CCDC3: variants seen among roughly 807,000 people sequenced by gnomAD.
CCDC3 encodes coiled-coil domain-containing protein 3.
A neutral mutation model predicts 21.4 loss-of-function variants in CCDC3; 24 were observed. The ratio of observed to expected loss-of-function variants is 1.12; its 90% CI spans 0.81 to 1.58. CCDC3 has a LOEUF of 1.58. Among genes scored for constraint, CCDC3 ranks in the 40% most tolerant of loss-of-function variants. The probability of loss-of-function intolerance (pLI) is 0.00; values close to 1 mark genes in which losing one functional copy is unlikely to be tolerated. For missense variants in CCDC3, 425 were observed against 360.9 expected (o/e 1.18, Z -1.44); for synonymous variants, 186 against 166.0 (o/e 1.12, Z -0.93).
rs575365730 is a variant in CCDC3 at position 13,083,114 on chromosome 10, T to C, written c.-502-9014A>G. On this transcript the variant is annotated intron_variant, in intron 3 of 6. Transcript: ENST00000378839. ...CCTTGGAGACTTAACAAGCAGTGAG[T>C]TCAGGCACTTCCAAGAGCTGACCCA... Among the ~76,000 whole-genome samples, 38 of 152,126 alleles carry C rather than the reference T, an allele frequency of 2.5e-4. 1 individual carries two copies. The highest frequency in any genetic ancestry group is 8.9e-4 in the African/African-American group (37 of 41,494).
intron 2 of CCDC3, among the ~76,000 whole-genome samples, chr10:12,919,853 C>T (rs1214881099): frequency 3.9e-5 from 6 of 152,098 alleles, no homozygotes; most frequent in Admixed American, 3.3e-4. Flanking sequence ...TTGGCAGTTG[C>T]CAGTTTATGT....
intron 2 of CCDC3, among the ~76,000 whole-genome samples, chr10:12,930,649 G>C (rs1246884393): frequency 6.6e-6 from 1 of 152,168 alleles, no homozygotes; most frequent in African/African-American, 2.4e-5. Context: ...TTGCCCTGGG[G>C]ACAGTTGGCA....
intron 1 of CCDC3, among the ~76,000 whole-genome samples, chr10:12,999,236 A>G (rs1589035881): frequency 6.6e-6 from 1 of 152,166 alleles, no homozygotes; most frequent in East Asian, 1.9e-4. Flanking sequence ...GTGAGACGCC[A>G]TCTCAAAAAA....
rs572298061 is a variant in CCDC3 at position 12,904,150 on chromosome 10, C to T, written c.550-5471G>A. Reference sequence around the variant, plus strand: ...AGCATCTGGTGGTTCCACTTGGCCACGAGGACTAACTCACTAGGCAAGACT... The same window carrying T: ...AGCATCTGGTGGTTCCACTTGGCCATGAGGACTAACTCACTAGGCAAGACT... On this transcript the variant is annotated intron_variant, in intron 2 of 2. Coordinates refer to ENST00000378825, the MANE Select transcript of CCDC3 (RefSeq NM_031455.4). 3.7e-4 allele frequency among the ~76,000 whole-genome samples: 56 copies of T among 152,078 alleles called. 1 individual carries two copies. Among genetic ancestry groups the T allele is most frequent in the African/African-American group, 1.1e-3 (46 of 41,494 alleles).
At chr10:13,012,823 T>C (rs886994781) in intron 5 of CCDC3, among the ~76,000 whole-genome samples, 1 of 151,998 alleles carries the variant, frequency 6.6e-6, no homozygotes, top group Non-Finnish European at 1.5e-5. Context: ...AGTACCCTGG[T>C]GACAAAATAA....
At chr10:12,900,442 G>A (rs1834074183) in intron 2 of CCDC3, among the ~76,000 whole-genome samples, 1 of 150,700 alleles carries the variant, frequency 6.6e-6, no homozygotes, top group South Asian at 2.1e-4. Flanking sequence ...ACTTTAGGAG[G>A]CTGAGGTGGG....
At chr10:13,095,430 G>A (rs1240835152) in intron 3 of CCDC3, among the ~76,000 whole-genome samples, 1 of 151,946 alleles carries the variant, frequency 6.6e-6, no homozygotes, top group Non-Finnish European at 1.5e-5. Flanking sequence ...CATGGATGGT[G>A]GTGGGTGGGG....
intron 2 of CCDC3, among the ~76,000 whole-genome samples, chr10:12,933,632 G>A (rs1251010): frequency 0.87 from 131,985 of 151,984 alleles, 57,553 homozygotes; most frequent in East Asian, 1. Flanking sequence ...AATATTTTGT[G>A]TTTTTAGTAG....
At chr10:12,942,914 G>C (rs960740219) in intron 2 of CCDC3, among the ~76,000 whole-genome samples, 1 of 152,066 alleles carries the variant, frequency 6.6e-6, no homozygotes, top group Non-Finnish European at 1.5e-5. Context: ...CTTGGTGTGA[G>C]GCAAAGAACG....
intron 2 of CCDC3, among the ~76,000 whole-genome samples, chr10:12,900,454 G>A (rs753923101): frequency 4.0e-5 from 6 of 149,482 alleles, no homozygotes; most frequent in African/African-American, 7.4e-5. Flanking sequence ...TGAGGTGGGC[G>A]GATCACAAGG....
chr10:12,914,134 G>A (rs1445173367), intron 2 of CCDC3, among the ~76,000 whole-genome samples: 2 of 152,132 alleles, frequency 1.3e-5, no homozygotes, highest in African/African-American at 4.8e-5. Context: ...TCAATTTTGT[G>A]GAAGAATTTG....
At chr10:12,914,301 A>G (rs1384926832) in intron 2 of CCDC3, among the ~76,000 whole-genome samples, 2 of 152,140 alleles carry the variant, frequency 1.3e-5, no homozygotes, top group East Asian at 3.8e-4. Flanking sequence ...TGACTTAATC[A>G]TAGTAGGTTG....
At chr10:12,954,858 G>A (rs1835059910) in intron 2 of CCDC3, among the ~76,000 whole-genome samples, 2 of 152,146 alleles carry the variant, frequency 1.3e-5, no homozygotes, top group Non-Finnish European at 2.9e-5. Context: ...ATAATCCAAT[G>A]ATTCAAAATG....
At chr10:12,953,714 C>A (rs1469696968) in intron 2 of CCDC3, among the ~76,000 whole-genome samples, 1 of 152,208 alleles carries the variant, frequency 6.6e-6, no homozygotes, top group Non-Finnish European at 1.5e-5. Context: ...CCACAGGGGG[C>A]CTCGAGGCAC....
intron 5 of CCDC3, among the ~76,000 whole-genome samples, chr10:13,019,242 A>T (rs1404935334): frequency 1.3e-5 from 2 of 151,220 alleles, no homozygotes; most frequent in South Asian, 2.1e-4. Flanking sequence ...TTTAAAAAAG[A>T]AAGAAAGAAA....
intron 2 of CCDC3, among the ~76,000 whole-genome samples, chr10:12,962,524 A>G (rs563871306): frequency 6.6e-6 from 1 of 152,222 alleles, no homozygotes; most frequent in East Asian, 1.9e-4. Context: ...AATTGCTTGA[A>G]CCTGGGAGCT....
At chr10:13,054,004 G>GGCGT (rs1454577413) in intron 4 of CCDC3, among the ~76,000 whole-genome samples, 1 of 152,002 alleles carries the variant, frequency 6.6e-6, no homozygotes, top group Non-Finnish European at 1.5e-5. Flanking sequence ...AAATTAGCTG[G>GGCGT]CATGGTGGTG....
rs192400077 is a variant in CCDC3 at position 12,943,252 on chromosome 10, A to G, written c.550-44573T>C. Among the ~76,000 whole-genome samples the G allele has an allele frequency of 1.6e-4, 24 of 152,238 alleles. 1 individual carries two copies. In the East Asian group the frequency reaches 4.2e-3, roughly 27 times the overall value. Reference sequence around the variant, plus strand: ...TAGAGTGGTCAGCATTAGATAGTAAACCAAAAAATACAATTCTAAGCACCC... The same window carrying G: ...TAGAGTGGTCAGCATTAGATAGTAAGCCAAAAAATACAATTCTAAGCACCC... On this transcript the variant is annotated intron_variant, in intron 2 of 2. Coordinates refer to ENST00000378825, the MANE Select transcript of CCDC3 (RefSeq NM_031455.4).
intron 2 of CCDC3, among the ~76,000 whole-genome samples, chr10:12,967,936 C>T (rs181048724): frequency 1.3e-3 from 202 of 152,154 alleles, no homozygotes; most frequent in African/African-American, 4.0e-3. Flanking sequence ...TTTGGGAGGC[C>T]GAGGCGGGCA....
Sources: allele counts gnomAD v4.1 joint callset (sites outside exome capture counted in the v4.1 genomes callset), GRCh38; gene constraint gnomAD v4.1.1; transcripts MANE v1.5; gene names NCBI Gene and HGNC (gene_info 2026-07-23, HGNC 2026-07-21).